The following LIMCH1 variants were observed in gnomAD, a reference collection of about 807,000 sequenced individuals.
The protein encoded by LIMCH1 is LIM and calponin homology domains-containing protein 1.
In LIMCH1, 113 loss-of-function variants were observed where a neutral mutation model predicts 176.5. That is an observed-to-expected ratio of 0.64 (90% CI 0.55 to 0.75). LIMCH1 has a LOEUF of 0.75. Among genes scored for constraint, LIMCH1 ranks in the 30% least tolerant of loss-of-function variants. The pLI, the probability that LIMCH1 is intolerant of heterozygous loss-of-function variation, is 0.00. For synonymous variants in LIMCH1, 619 were observed against 645.9 expected (o/e 0.96, Z 0.63); for missense variants, 1,674 against 1,814.9 (o/e 0.92, Z 1.41).
At chr4:41,494,671 T>C (rs2071750851) in intron 2 of LIMCH1, 1 of 1,028,674 alleles carries the variant, frequency 9.7e-7, no homozygotes, top group African/African-American at 1.6e-5. Context: ...CCAGTTTGGC[T>C]GTAAGACTTC....
intron 1 of LIMCH1, among the ~76,000 whole-genome samples, chr4:41,371,705 T>G (rs1460023144): frequency 2.6e-5 from 4 of 152,322 alleles, no homozygotes; most frequent in Admixed American, 2.0e-4. Context: ...ATGTTAAGAC[T>G]GGCAGGCCTG....
At position 41,664,811 on chromosome 4, in the gene LIMCH1, T is replaced by C. The variant is rs553844563; in HGVS notation, c.3292-1750T>C. Among the ~76,000 whole-genome samples the C allele has an allele frequency of 4.6e-5, 7 of 152,336 alleles. No homozygotes were observed. The East Asian group carries it at 1.3e-3, about 29-fold the overall frequency. On this transcript the variant is annotated intron_variant, in intron 20 of 31. Coordinates refer to ENST00000503057, the MANE Select transcript of LIMCH1 (RefSeq NM_001330672.2). ...TGCCCTACTATGGAAAAAAGTGTTT[T>C]CAGGACTTCTTCAGTTTGTTCGTGT...
rs139510760 is a variant in LIMCH1, at chr4:41,644,506, C to A, written c.2133C>A (p.Thr711=). ...TCGCTCTCTCCACACTCAGGAGCACCAGCATGTTTGACATGCGGTGTGAGG... is the reference window on the plus strand; with the variant it reads ...TCGCTCTCTCCACACTCAGGAGCACAAGCATGTTTGACATGCGGTGTGAGG... The part of the protein sequence containing the change: ...RTPVSDDAES[T]SMFDMRCEEE... The change falls in exon 15 of 32, where the codon ACC becomes ACA. Residue 711 remains threonine, a synonymous_variant. Coordinates refer to ENST00000503057, the MANE Select transcript of LIMCH1 (RefSeq NM_001330672.2). 3 of 1,567,008 alleles carry A rather than the reference C, an allele frequency of 1.9e-6. No homozygotes were observed. Among genetic ancestry groups the A allele is most frequent in the South Asian group, 1.2e-5 (1 of 84,690 alleles).
chr4:41,546,066 A>G (rs1307672910), intron 1 of LIMCH1, among the ~76,000 whole-genome samples: 1 of 152,190 alleles, frequency 6.6e-6, no homozygotes, highest in East Asian at 1.9e-4. Context: ...ATATATTGTT[A>G]TAGGAATAAA....
At chr4:41,466,233 A>G (rs943613329) in intron 1 of LIMCH1, among the ~76,000 whole-genome samples, 1 of 152,194 alleles carries the variant, frequency 6.6e-6, no homozygotes, top group African/African-American at 2.4e-5. Flanking sequence ...CTGGGATTAC[A>G]GGCGTGAGCC....
At chr4:41,620,787 C>A in intron 7 of LIMCH1, 97 bp downstream of exon 7, 1 of 1,352,358 alleles carries the variant, frequency 7.4e-7, no homozygotes, top group South Asian at 1.5e-5. Context: ...GATTTTTCCA[C>A]TTCCCGCTTT....
In LIMCH1 at chr4:41,543,167, A is replaced by G. The variant is rs1165593056; in HGVS notation, c.-241+4817A>G. Among the ~76,000 whole-genome samples the G allele has an allele frequency of 2.6e-5, 4 of 152,202 alleles. 1 individual carries two copies. The highest frequency in any genetic ancestry group is 6.5e-5 in the Admixed American group (1 of 15,282). On this transcript the variant is annotated intron_variant, in intron 1 of 31. Coordinates refer to ENST00000503057, the MANE Select transcript of LIMCH1 (RefSeq NM_001330672.2). Reference sequence around the variant, plus strand: ...GGTGGATCCAGCACTTTCTTCCTCAATAAAGAGTATTTGTTCCTAAAATAA... The same window carrying G: ...GGTGGATCCAGCACTTTCTTCCTCAGTAAAGAGTATTTGTTCCTAAAATAA...
At chr4:41,632,459 G>A (rs977671485) in intron 10 of LIMCH1, among the ~76,000 whole-genome samples, 1 of 152,012 alleles carries the variant, frequency 6.6e-6, no homozygotes, top group Non-Finnish European at 1.5e-5. Flanking sequence ...TGGGGAGGAG[G>A]GGGTAGGAAA....
At chr4:41,465,612 A>G (rs1290671496) in intron 1 of LIMCH1, among the ~76,000 whole-genome samples, 3 of 152,210 alleles carry the variant, frequency 2.0e-5, no homozygotes, top group Admixed American at 2.0e-4. Context: ...CCCATCTGTC[A>G]CATGGAGGGC....
intron 1 of LIMCH1, among the ~76,000 whole-genome samples, chr4:41,455,955 T>C (rs2154150044): frequency 6.6e-6 from 1 of 152,366 alleles, no homozygotes; most frequent in East Asian, 1.9e-4. Flanking sequence ...ACTTACCTGG[T>C]TAGTGAATTT....
At chr4:41,463,923 GCCCAGTCTGAT>G (rs921820534) in intron 1 of LIMCH1, among the ~76,000 whole-genome samples, 1 of 151,916 alleles carries the variant, frequency 6.6e-6, no homozygotes, top group African/African-American at 2.4e-5. Flanking sequence ...CACTCTATTT[GCCCAGTCTGAT>G]CTCAAACTCC....
intron 1 of LIMCH1, among the ~76,000 whole-genome samples, chr4:41,490,472 G>C (rs886554901): frequency 1.3e-5 from 2 of 152,050 alleles, no homozygotes; most frequent in Admixed American, 6.5e-5. Flanking sequence ...TTAGGGAGTG[G>C]TGATGACTCT....
At chr4:41,573,959 C>T (rs988733646) in intron 1 of LIMCH1, among the ~76,000 whole-genome samples, 3 of 152,064 alleles carry the variant, frequency 2.0e-5, no homozygotes, top group Admixed American at 6.5e-5. Flanking sequence ...CATAAGCTCC[C>T]GTCTATAATA....
At position 41,671,560 on chromosome 4, in the gene LIMCH1, C is replaced by A. The variant is rs748587818; in HGVS notation, c.3404C>A (p.Ser1135Tyr). The change falls in exon 22 of 32, where the codon TCT (serine) becomes TAT (tyrosine). Residue 1135 changes from serine (S) to tyrosine (Y), a missense_variant. This residue lies in a region of LIMCH1 where 1,015 missense variants were observed against 1,102.5 expected (regional missense o/e 0.92). Coordinates refer to ENST00000503057, the MANE Select transcript of LIMCH1 (RefSeq NM_001330672.2). ...TTCTTTTTTTTCTGTGCAGTGGATT[C>A]TCCAAGCAGTGAGAAGTCACCTGTT... ...HLPNLNSQVD[S>Y]PSSEKSPVMT... The A allele has an allele frequency of 1.9e-6, 3 of 1,604,766 alleles. No individual in the cohort carries two copies. Among genetic ancestry groups the A allele is most frequent in the Non-Finnish European group, 1.7e-6 (2 of 1,171,940 alleles).
chr4:41,514,005 T>TAAAAAAAAAGAAAAAAAAAAAAAAAA (rs2075268721), intron 2 of LIMCH1, among the ~76,000 whole-genome samples: 1 of 48,514 alleles, frequency 2.1e-5, no homozygotes, highest in East Asian at 1.0e-3. Flanking sequence ...GACTCCGTCT[T>TAAAAAAAAAGAAAAAAAAAAAAAAAA]AAAAAAAAAA....
At chr4:41,423,675 C>G (rs2060822868) in intron 1 of LIMCH1, among the ~76,000 whole-genome samples, 2 of 151,964 alleles carry the variant, frequency 1.3e-5, no homozygotes, top group Non-Finnish European at 2.9e-5. Flanking sequence ...GTCCTCTAAG[C>G]AGATACATTC....
At chr4:41,684,882 A>C (rs1719378218) in intron 27 of LIMCH1, among the ~76,000 whole-genome samples, 1 of 152,126 alleles carries the variant, frequency 6.6e-6, no homozygotes, top group Non-Finnish European at 1.5e-5. Context: ...AAGCCGGGTG[A>C]GATGTGGGTG....
At chr4:41,631,687 G>A (rs1203852551) in intron 10 of LIMCH1, among the ~76,000 whole-genome samples, 1 of 152,224 alleles carries the variant, frequency 6.6e-6, no homozygotes, top group Non-Finnish European at 1.5e-5. Flanking sequence ...GTTGTCACCA[G>A]AATCACTGCC....
At chr4:41,645,121 C>T (rs367957133) in intron 15 of LIMCH1, among the ~76,000 whole-genome samples, 3 of 152,160 alleles carry the variant, frequency 2.0e-5, no homozygotes, top group African/African-American at 4.8e-5. Flanking sequence ...ACTTGCTGAA[C>T]GTCACATAGC....
Sources: allele counts gnomAD v4.1 joint callset (sites outside exome capture counted in the v4.1 genomes callset), GRCh38; gene constraint gnomAD v4.1.1; regional missense constraint gnomAD v4.1.1; transcripts MANE v1.5; gene names NCBI Gene and HGNC (gene_info 2026-07-23, HGNC 2026-07-21).